AFF2: variants seen among roughly 807,000 people sequenced by gnomAD.
AFF2 encodes the protein ALF transcription elongation factor 2.
Under a neutral mutation model 76.9 loss-of-function variants are expected in AFF2, and 14 were observed. The observed-to-expected ratio is 0.18, with a 90% CI of 0.12 to 0.28. The LOEUF is 0.28. AFF2 is among the 10% of genes least tolerant of loss of function. The pLI, the probability that AFF2 is intolerant of heterozygous loss-of-function variation, is 1.00. For missense variants in AFF2, 868 were observed against 1,001.1 expected (o/e 0.87, Z 1.79); for synonymous variants, 398 against 366.7 (o/e 1.09, Z -0.98).
intron 2 of AFF2, among the ~76,000 whole-genome samples, chrX:148,658,355 C>T (rs1048344988): frequency 2.7e-5 from 3 of 112,194 alleles, no homozygotes; most frequent in East Asian, 2.8e-4. Context: ...TCCTGTCACA[C>T]GTCCTTCCTT....
At chrX:148,510,567 A>G (rs1330290140) in intron 1 of AFF2, among the ~76,000 whole-genome samples, 2 of 111,743 alleles carry the variant, frequency 1.8e-5, no homozygotes, top group Non-Finnish European at 3.8e-5. Flanking sequence ...AGTATTTACA[A>G]ATTGGGTCTA....
At chrX:148,948,262 ATACAATAACC>A (rs1569557408) in intron 9 of AFF2, among the ~76,000 whole-genome samples, 1 of 112,378 alleles carries the variant, frequency 8.9e-6, no homozygotes, top group African/African-American at 3.2e-5. Context: ...TGTGAGGTTT[ATACAATAACC>A]CTGTGACTGA....
rs41301301 is a variant in AFF2 at position 149,000,188 on chromosome X, C to T, written c.*8856C>T. On this transcript the variant is annotated 3_prime_UTR_variant, in exon 21 of 21. Transcript: ENST00000370460. ...AGTGCCCCCTTGGCTTTATGAGAAT[C>T]CAATTAGTCTTCTGAACCACCTTTT... 24 of 112,312 alleles carry T rather than the reference C, an allele frequency of 2.1e-4. No individual in the cohort carries two copies. The highest frequency in any genetic ancestry group is 3.2e-4 in the Non-Finnish European group (17 of 53,243). 9.3% of individuals were successfully genotyped at this position (112,312 alleles called of 1,213,427 possible).
At chrX:148,635,065 C>G (rs2054017328) in intron 1 of AFF2, among the ~76,000 whole-genome samples, 1 of 111,394 alleles carries the variant, frequency 9.0e-6, no homozygotes, top group Non-Finnish European at 1.9e-5. Context: ...CCGCCTCCCC[C>G]AAAATGTCCA....
intron 1 of AFF2, among the ~76,000 whole-genome samples, chrX:148,569,590 A>C (rs782495946): frequency 3.0e-4 from 33 of 111,457 alleles, no homozygotes; most frequent in Non-Finnish European, 5.7e-4. Flanking sequence ...TTAAATTAAG[A>C]AATGTGGAGA....
rs1430425749 is a variant in AFF2 at position 148,839,804 on chromosome X, C to G, written c.1173+2071C>G. ...GCTGTCTTAAGAGCTGCCTTCCCAG[C>G]TGCTTTTAATCCTGGCACTGCCATT... On this transcript the variant is annotated intron_variant, in intron 5 of 20. Coordinates refer to ENST00000370460, the MANE Select transcript of AFF2 (RefSeq NM_002025.4). Among the ~76,000 whole-genome samples the G allele has an allele frequency of 2.7e-5, 3 of 110,415 alleles. No homozygotes were observed. The East Asian group carries it at 8.6e-4, about 32-fold the overall frequency.
At chrX:148,695,221 A>G (rs1471917337) in intron 3 of AFF2, among the ~76,000 whole-genome samples, 1 of 111,743 alleles carries the variant, frequency 8.9e-6, no homozygotes, top group Admixed American at 9.5e-5. Context: ...ATCTTTTGAG[A>G]GCCTATTAAG....
intron 3 of AFF2, among the ~76,000 whole-genome samples, chrX:148,683,521 G>A (rs5980384): frequency 0.047 from 5,257 of 111,738 alleles, 319 homozygotes; most frequent in African/African-American, 0.16. Flanking sequence ...GCTTTCTTGC[G>A]AATGAAGAGG....
intron 1 of AFF2, among the ~76,000 whole-genome samples, chrX:148,516,463 G>A (rs1355663172): frequency 9.0e-6 from 1 of 111,726 alleles, no homozygotes; most frequent in Non-Finnish European, 1.9e-5. Flanking sequence ...AATAACTAAT[G>A]TTGAAGCCTG....
chrX:148,843,040 C>T lies in AFF2; in HGVS notation c.1210+38C>T, dbSNP rs1212057952. 6 of 1,113,310 alleles carry T rather than the reference C, an allele frequency of 5.4e-6. No homozygotes were observed. In the East Asian group the frequency reaches 1.2e-4, roughly 22 times the overall value. The allele number at this position is 1,113,310 out of a possible 1,213,427, so 91.7% of individuals were successfully genotyped here. On this transcript the variant is annotated intron_variant, in intron 6 of 20. Transcript: ENST00000370460. The stretch of plus-strand genomic sequence containing the variant: ...GAAAATCCTTCTTAGTCCAAACATC[C>T]ATGTCCTCTGCTCCCTCATTTTTTC...
At chrX:148,762,478 A>ATG (rs1286942859) in intron 3 of AFF2, among the ~76,000 whole-genome samples, 5 of 25,842 alleles carry the variant, frequency 1.9e-4, no homozygotes, top group African/African-American at 3.8e-4. Context: ...GTACATATGT[A>ATG]TATGTGTGTG....
intron 3 of AFF2, among the ~76,000 whole-genome samples, chrX:148,712,100 T>G (rs1022562800): frequency 1.8e-5 from 2 of 111,831 alleles, no homozygotes; most frequent in Non-Finnish European, 3.8e-5. Context: ...AGTAATGGTT[T>G]AAAGCATGCA....
chrX:148,579,636 A>AT (rs2053331388), intron 1 of AFF2, among the ~76,000 whole-genome samples: 1 of 111,893 alleles, frequency 8.9e-6, no homozygotes, highest in Non-Finnish European at 1.9e-5. Context: ...TCGAAAGAAT[A>AT]TTTTGTTGCT....
chrX:148,828,683 T>G (rs1477736151), intron 4 of AFF2, among the ~76,000 whole-genome samples: 1 of 112,325 alleles, frequency 8.9e-6, no homozygotes, highest in Non-Finnish European at 1.9e-5. Context: ...TATAGTGTTC[T>G]GTTCCCTTGT....
At chrX:148,551,346 AG>A (rs782746180) in intron 1 of AFF2, among the ~76,000 whole-genome samples, 2 of 109,508 alleles carry the variant, frequency 1.8e-5, no homozygotes, top group South Asian at 8.0e-4. Context: ...ATATGGGCAT[AG>A]AGATTTCTTA....
At position 148,837,668 on chromosome X, in the gene AFF2, A is replaced by C; in HGVS notation, c.1108A>C (p.Thr370Pro). 1.7e-6 allele frequency: 2 copies of C among 1,189,545 alleles called. No homozygotes were observed. The highest frequency in any genetic ancestry group is 2.3e-6 in the Non-Finnish European group (2 of 876,267). The change falls in exon 5 of 21, where the codon ACT becomes CCT. Residue 370 changes from threonine to proline, a missense_variant. Coordinates refer to ENST00000370460, the MANE Select transcript of AFF2 (RefSeq NM_002025.4). ...ILREMTHSWP[T>P]PLTSMHTAGH... ...TTAGGAGATGACCCATTCCTGGCCT[A>C]CTCCTCTCACTTCCATGCATACTGC... is the stretch of plus-strand genomic sequence containing the variant.
At chrX:148,690,863 G>C (rs1438677218) in intron 3 of AFF2, among the ~76,000 whole-genome samples, 1 of 111,652 alleles carries the variant, frequency 9.0e-6, no homozygotes, top group Non-Finnish European at 1.9e-5. Context: ...TGTCAGCAGG[G>C]TTGGTATCCT....
intron 3 of AFF2, among the ~76,000 whole-genome samples, chrX:148,690,286 A>G (rs952386459): frequency 1.8e-5 from 2 of 112,581 alleles, no homozygotes; most frequent in South Asian, 7.3e-4. Flanking sequence ...TTTTATGCCA[A>G]GTCAAGGATA....
chrX:148,736,036 G>A (rs782126601), intron 3 of AFF2, among the ~76,000 whole-genome samples: 15 of 112,062 alleles, frequency 1.3e-4, no homozygotes, highest in Non-Finnish European at 2.6e-4. Context: ...ATTTGGGTTT[G>A]TTCCATGATT....
Sources: gnomAD v4.1 joint callset for allele counts (sites outside exome capture counted in the v4.1 genomes callset) on GRCh38, gnomAD v4.1.1 for gene constraint, MANE v1.5 for transcripts, NCBI Gene and HGNC (gene_info 2026-07-23, HGNC 2026-07-21) for gene names.